LRRIQ1: variants seen among roughly 807,000 people sequenced by gnomAD.
The protein encoded by LRRIQ1 is leucine rich repeats and IQ motif containing 1, also known as leucine-rich repeat- and IQ domain-containing protein 1.
LRRIQ1 carries 210 observed loss-of-function variants against 211.9 expected under a neutral mutation model. That is an observed-to-expected ratio of 0.99 (90% CI 0.89 to 1.11). LRRIQ1 has a LOEUF of 1.11. Ranked by LOEUF, LRRIQ1 falls within the 50% of genes most tolerant of loss-of-function variation. The pLI is 0.00. For synonymous variants in LRRIQ1, 699 were observed against 650.1 expected, an observed-to-expected ratio of 1.08 and a Z score of -1.14; for missense variants, 2,136 against 1,939.5, an observed-to-expected ratio of 1.10 and a Z score of -1.90.
downstream of LRRIQ1, among the ~76,000 whole-genome samples, chr12:85,248,139 A>G (rs893813410): frequency 2.0e-5 from 3 of 151,634 alleles, no homozygotes; most frequent in African/African-American, 7.3e-5. Context: ...ATTGCAATAT[A>G]TAATAATACT....
At chr12:85,224,238 TC>T (rs1027089827) in intron 24 of LRRIQ1, among the ~76,000 whole-genome samples, 7 of 151,816 alleles carry the variant, frequency 4.6e-5, no homozygotes, top group Admixed American at 1.3e-4. Flanking sequence ...CATTGAAAAA[TC>T]AGGAAACAAC....
intron 6 of LRRIQ1, 148 bp from the exon 7 acceptor site, chr12:85,052,029 G>T: frequency 2.1e-6 from 1 of 470,290 alleles, no homozygotes. Flanking sequence ...GATTAAAGTT[G>T]TTATCCCAGT....
chr12:85,059,828 C>G (rs1015362146), intron 8 of LRRIQ1, among the ~76,000 whole-genome samples: 4 of 151,630 alleles, frequency 2.6e-5, no homozygotes, highest in Non-Finnish European at 4.4e-5. Flanking sequence ...CACATGTATC[C>G]CATGTATACA....
rs749229580 is a variant in LRRIQ1, at chr12:85,056,557, A to G, written c.1764A>G (p.Lys588=). 2.1e-5 allele frequency: 33 copies of G among 1,605,808 alleles called. No homozygotes were observed. The highest frequency in any genetic ancestry group is 2.6e-5 in the Non-Finnish European group (31 of 1,176,130). The change falls in exon 8 of 27, where the codon AAA becomes AAG. Residue 588 remains lysine, a synonymous_variant. Coordinates refer to ENST00000393217, the MANE Select transcript of LRRIQ1 (RefSeq NM_001079910.2). ...AGAAAAAGATACAAAAAGTAGAAAA[A>G]GAAGAGATACAAGAACAGAATGGAT... is the stretch of plus-strand genomic sequence containing the variant. ...NQQKKIQKVE[K]EEIQEQNGLL...
At chr12:85,154,442 C>A (rs564086624) in intron 23 of LRRIQ1, among the ~76,000 whole-genome samples, 1 of 151,210 alleles carries the variant, frequency 6.6e-6, no homozygotes, top group Non-Finnish European at 1.5e-5. Context: ...CTTTTGCGTG[C>A]TTTTAAATTG....
At chr12:85,120,470 TCTAA>T (rs1887892444) in intron 15 of LRRIQ1, among the ~76,000 whole-genome samples, 2 of 152,356 alleles carry the variant, frequency 1.3e-5, no homozygotes, top group East Asian at 1.9e-4. Flanking sequence ...GTGTCAGTCT[TCTAA>T]CTGTTGTTTT....
intron 15 of LRRIQ1, among the ~76,000 whole-genome samples, chr12:85,114,429 C>G (rs1452010480): frequency 1.3e-5 from 2 of 152,102 alleles, no homozygotes; most frequent in African/African-American, 4.8e-5. Flanking sequence ...TGCCACATTG[C>G]CAGTTTCAAC....
chr12:85,119,540 T>C (rs1359734046), intron 15 of LRRIQ1, among the ~76,000 whole-genome samples: 1 of 152,176 alleles, frequency 6.6e-6, no homozygotes, highest in Non-Finnish European at 1.5e-5. Context: ...GTATTATTGC[T>C]GGGTCATTTG....
At chr12:85,133,480 G>A (rs913169199) in intron 18 of LRRIQ1, among the ~76,000 whole-genome samples, 3 of 152,088 alleles carry the variant, frequency 2.0e-5, no homozygotes, top group Admixed American at 2.0e-4. Flanking sequence ...TTCTTCCGAG[G>A]GTGTGACAAT....
At chr12:85,252,020 T>C (rs1895960067) in intron 1 of LRRIQ1, among the ~76,000 whole-genome samples, 1 of 151,950 alleles carries the variant, frequency 6.6e-6, no homozygotes, top group African/African-American at 2.4e-5. Context: ...CTAATTATTG[T>C]AGCTCAGCAC....
intron 17 of LRRIQ1, among the ~76,000 whole-genome samples, chr12:85,127,206 T>A (rs1209429076): frequency 6.6e-6 from 1 of 152,392 alleles, no homozygotes; most frequent in Non-Finnish European, 1.5e-5. Context: ...TTGCTAATGT[T>A]GCTGGGCAAC....
chr12:85,040,526 A>T lies in LRRIQ1; in HGVS notation c.169A>T (p.Ile57Phe), dbSNP rs773524672. The T allele has an allele frequency of 4.4e-6, 7 of 1,594,084 alleles. No homozygotes were observed. Among genetic ancestry groups the T allele is most frequent in the Non-Finnish European group, 6.0e-6 (7 of 1,168,980 alleles). ...ATTACCAGAATCAGTTCTTCACTGTATTAACATCATAAAGAACAGGAGTAA... is the reference window on the plus strand; with the variant it reads ...ATTACCAGAATCAGTTCTTCACTGTTTTAACATCATAAAGAACAGGAGTAA... ...VELPESVLHC[I>F]NIIKNRSKAV... The change falls in exon 3 of 27, where the codon ATT becomes TTT. Residue 57 changes from isoleucine to phenylalanine, a missense_variant. By Grantham distance (21) the Ile-to-Phe change is conservative (BLOSUM62 0). Transcript: ENST00000393217.
At chr12:85,171,451 G>C (rs146785689) in intron 24 of LRRIQ1, among the ~76,000 whole-genome samples, 334 of 152,108 alleles carry the variant, frequency 2.2e-3, no homozygotes, top group African/African-American at 7.8e-3. Context: ...ACCACATCTT[G>C]GCATATCATC....
intron 15 of LRRIQ1, among the ~76,000 whole-genome samples, chr12:85,111,454 G>A (rs1190583632): frequency 6.6e-6 from 1 of 151,832 alleles, no homozygotes; most frequent in South Asian, 2.1e-4. Flanking sequence ...AGTTCCATTC[G>A]TGTAACTAGT....
intron 19 of LRRIQ1, among the ~76,000 whole-genome samples, chr12:85,148,036 A>G (rs1890003905): frequency 6.6e-6 from 1 of 151,854 alleles, no homozygotes; most frequent in South Asian, 2.1e-4. Context: ...TTACAAATCT[A>G]TCCAAGTTCA....
chr12:85,147,276 A>G (rs557084327), intron 19 of LRRIQ1, among the ~76,000 whole-genome samples: 22 of 151,940 alleles, frequency 1.4e-4, no homozygotes, highest in African/African-American at 4.8e-4. Flanking sequence ...AATCCACGAG[A>G]TGAGAGACAT....
intron 1 of LRRIQ1, among the ~76,000 whole-genome samples, chr12:85,259,835 T>C (rs1392956930): frequency 1.3e-5 from 2 of 152,070 alleles, no homozygotes; most frequent in African/African-American, 2.4e-5. Context: ...AAAATATAGG[T>C]TTACGTTGTG....
rs79487276 is a variant in LRRIQ1 at position 85,068,888 on chromosome 12, A to G, written c.2695+1990A>G. On this transcript the variant is annotated intron_variant, in intron 10 of 26. Transcript: ENST00000393217. ...TGTCCATTTACTTTTTTTAGTTTCA[A>G]TGAAATTGTTTCATTAAGCCCTGTA... Among the ~76,000 whole-genome samples, 1,996 of 150,780 alleles carry G rather than the reference A, an allele frequency of 0.013. 110 individuals carry two copies. The East Asian group carries it at 0.2, about 15-fold the overall frequency.
rs200995342 is a variant in LRRIQ1 at position 85,229,488 on chromosome 12, T to A, written c.4823-29T>A. The A allele has an allele frequency of 5.6e-5, 87 of 1,560,770 alleles. No homozygotes were observed. The East Asian group carries it at 7.8e-4, about 14-fold the overall frequency. ...GCCAAAGTTTGGTCTCTTTAAATAA[T>A]AAGTACACGTTCCATATTTCTTTCA... On this transcript the variant is annotated intron_variant, in intron 24 of 26. Transcript: ENST00000393217.
Sources: allele counts gnomAD v4.1 joint callset (sites outside exome capture counted in the v4.1 genomes callset), GRCh38; gene constraint gnomAD v4.1.1; transcripts MANE v1.5; gene names NCBI Gene and HGNC (gene_info 2026-07-23, HGNC 2026-07-21).